TSPAN15: variants seen among roughly 807,000 people sequenced by gnomAD.
TSPAN15 encodes tetraspanin-15.
In TSPAN15, 20 loss-of-function variants were observed where a neutral mutation model predicts 34.5. The ratio of observed to expected loss-of-function variants is 0.58; its 90% CI spans 0.41 to 0.84. TSPAN15 has a LOEUF of 0.84. Ranked by LOEUF, TSPAN15 falls within the 40% of genes least tolerant of loss-of-function variation. The pLI, the probability that TSPAN15 is intolerant of heterozygous loss-of-function variation, is 0.00. For synonymous variants in TSPAN15, 155 were observed against 153.9 expected, an observed-to-expected ratio of 1.01 and a Z score of -0.05; for missense variants, 313 against 386.1, an observed-to-expected ratio of 0.81 and a Z score of 1.59.
chr10:69,535,147 C>A, the TSPAN15 span, among the ~76,000 whole-genome samples: 12 of 152,276 alleles, frequency 7.9e-5, no homozygotes, highest in Admixed American at 6.5e-4. Context: ...ATGCGGTGAG[C>A]ATTCCTAGGA....
At chr10:69,484,496 G>A (rs1456043077) in intron 2 of TSPAN15, among the ~76,000 whole-genome samples, 1 of 152,232 alleles carries the variant, frequency 6.6e-6, no homozygotes, top group African/African-American at 2.4e-5. Flanking sequence ...CCTAAAGCTG[G>A]GGGTAGTGAG....
chr10:69,498,804 G>A (rs1246178561), intron 5 of TSPAN15, among the ~76,000 whole-genome samples: 2 of 152,230 alleles, frequency 1.3e-5, no homozygotes, highest in Non-Finnish European at 2.9e-5. Context: ...GGGATGAAGT[G>A]CAGGCAGCTG....
chr10:69,506,115 C>G lies in TSPAN15; in HGVS notation c.619-9C>G. 5 of 1,612,766 alleles carry G rather than the reference C, an allele frequency of 3.1e-6. No homozygotes were observed. Among genetic ancestry groups the G allele is most frequent in the Admixed American group, 1.7e-5 (1 of 59,956 alleles). On this transcript the variant is annotated splice_polypyrimidine_tract_variant and intron_variant, in intron 6 of 7. Transcript: ENST00000373290. This position sits in a 1 kb window ranked among gnomAD's most constrained non-coding sequence, Gnocchi z 4.7. ...CTCTGCTGGGCTGACCCAGCTCCTT[C>G]CCATGCAGCGTTTCAGTGTGCAGGA...
chr10:69,467,576 T>G (rs527438888), intron 1 of TSPAN15, among the ~76,000 whole-genome samples: 1 of 151,892 alleles, frequency 6.6e-6, no homozygotes, highest in African/African-American at 2.4e-5. Flanking sequence ...ATCACACCAC[T>G]GTAGTCCAGC....
the TSPAN15 span, among the ~76,000 whole-genome samples, chr10:69,513,923 C>T: frequency 4.6e-5 from 7 of 152,316 alleles, no homozygotes; most frequent in South Asian, 1.0e-3. Context: ...TTTCTCACTA[C>T]GTTTTGGTCA....
intron 1 of TSPAN15, among the ~76,000 whole-genome samples, chr10:69,474,367 G>A (rs901443813): frequency 1.3e-5 from 2 of 152,176 alleles, no homozygotes; most frequent in African/African-American, 4.8e-5. Flanking sequence ...GCCAGTGGAG[G>A]AATAGGGGAT....
intron 1 of TSPAN15, among the ~76,000 whole-genome samples, chr10:69,462,155 GTTTTTTTTTTT>G (rs755068937): frequency 6.0e-5 from 5 of 82,704 alleles, no homozygotes; most frequent in African/African-American, 1.8e-4. Context: ...TAATTTTAAA[GTTTTTTTTTTT>G]TTTTTTTTTT....
chr10:69,494,750 C>A, intron 3 of TSPAN15: 1 of 985,398 alleles, frequency 1.0e-6, no homozygotes, highest in Non-Finnish European at 1.2e-6. Context: ...GCACCGGAGC[C>A]GAGAATGCCC....
At chr10:69,505,797 CT>C (rs1346732351) in intron 6 of TSPAN15, among the ~76,000 whole-genome samples, 2 of 152,206 alleles carry the variant, frequency 1.3e-5, no homozygotes, top group Non-Finnish European at 2.9e-5. Flanking sequence ...ATCCGTGAGG[CT>C]TTTCATGCAG....
chr10:69,495,623 A>G lies in TSPAN15; in HGVS notation c.387A>G (p.Arg129=). 1.9e-6 allele frequency: 3 copies of G among 1,613,934 alleles called. No individual in the cohort carries two copies. The highest frequency in any genetic ancestry group is 2.5e-6 in the Non-Finnish European group (3 of 1,179,800). ...TTGACTTCCTGAACGACAACATTCG[A>G]AGAGGAATTGAGAACTACTATGATG... ...QTIDFLNDNI[R]RGIENYYDDL... The change falls in exon 4 of 8, where the codon CGA becomes CGG. Residue 129 remains arginine, a synonymous_variant. Coordinates refer to ENST00000373290, the MANE Select transcript of TSPAN15 (RefSeq NM_012339.5).
At chr10:69,451,744 G>T (rs1036448432) in intron 1 of TSPAN15, 54 bp downstream of exon 1, 2 of 1,351,054 alleles carry the variant, frequency 1.5e-6, no homozygotes, top group African/African-American at 1.5e-5. Flanking sequence ...CAATCCGGCC[G>T]CCCCCTCACT....
the TSPAN15 span, among the ~76,000 whole-genome samples, chr10:69,539,449 A>AG: frequency 3.7e-5 from 1 of 26,936 alleles, no homozygotes; most frequent in African/African-American, 1.2e-4. Flanking sequence ...AAGGAAGAAG[A>AG]AGAAGAAGAA....
the TSPAN15 span, among the ~76,000 whole-genome samples, chr10:69,529,082 A>T: frequency 6.7e-6 from 1 of 148,172 alleles, no homozygotes; most frequent in East Asian, 2.5e-4. Context: ...ATTTTCTCCA[A>T]GATTGGAGTG....
rs185173967 is a variant in TSPAN15 at position 69,455,018 on chromosome 10, C to G, written c.96+3328C>G. 1.8e-3 allele frequency among the ~76,000 whole-genome samples: 280 copies of G among 152,076 alleles called. 1 individual carries two copies. Among genetic ancestry groups the G allele is most frequent in the African/African-American group, 6.5e-3 (268 of 41,476 alleles). On this transcript the variant is annotated intron_variant, in intron 1 of 7. Coordinates refer to ENST00000373290, the MANE Select transcript of TSPAN15 (RefSeq NM_012339.5). ...TCTTTACTAAAAATACAAAAATTAG[C>G]TGGGTATGGTGGCGTGTGCCTGTAG...
intron 6 of TSPAN15, among the ~76,000 whole-genome samples, chr10:69,504,811 C>T (rs1842291800): frequency 6.6e-6 from 1 of 152,194 alleles, no homozygotes; most frequent in Non-Finnish European, 1.5e-5. Flanking sequence ...CTTGCCTCTG[C>T]CCCTGGGGCC....
chr10:69,533,530 G>A, the TSPAN15 span, among the ~76,000 whole-genome samples: 29 of 152,058 alleles, frequency 1.9e-4, no homozygotes, highest in African/African-American at 5.8e-4. Context: ...GGGGAGAGTG[G>A]GCAAGGAATA....
intron 5 of TSPAN15, among the ~76,000 whole-genome samples, chr10:69,499,809 A>G (rs1450070679): frequency 6.6e-6 from 1 of 152,134 alleles, no homozygotes; most frequent in East Asian, 1.9e-4. Flanking sequence ...TGTCTGGGGG[A>G]GGGGCATTCC....
At chr10:69,512,674 G>T in the TSPAN15 span, among the ~76,000 whole-genome samples, 1 of 152,146 alleles carries the variant, frequency 6.6e-6, no homozygotes, top group Non-Finnish European at 1.5e-5. Flanking sequence ...ATGTTATATA[G>T]GTGGACTCAT....
the TSPAN15 span, among the ~76,000 whole-genome samples, chr10:69,545,193 G>A: frequency 1.3e-5 from 2 of 152,184 alleles, no homozygotes; most frequent in East Asian, 3.8e-4. Context: ...TTACCCCCGG[G>A]AGATTCAGGC....
Sources: allele counts gnomAD v4.1 joint callset (sites outside exome capture counted in the v4.1 genomes callset), GRCh38; gene constraint gnomAD v4.1.1; non-coding constraint Gnocchi (gnomAD v3.1); transcripts MANE v1.5; gene names NCBI Gene and HGNC (gene_info 2026-07-23, HGNC 2026-07-21).